SLIT2: variants seen among roughly 807,000 people sequenced by gnomAD.
SLIT2 encodes slit guidance ligand 2, also known as slit homolog 2 protein.
In SLIT2, 41 loss-of-function variants were observed where a neutral mutation model predicts 185.7. The observed-to-expected ratio is 0.22, with a 90% confidence interval of 0.17 to 0.29. The LOEUF is 0.29. Ranked by LOEUF, SLIT2 falls within the 10% of genes least tolerant of loss-of-function variation. The probability of loss-of-function intolerance (pLI) is 1.00; values close to 1 mark genes in which losing one functional copy is unlikely to be tolerated. For synonymous variants in SLIT2, 693 were observed against 680.2 expected (o/e 1.02, Z -0.29); for missense variants, 1,571 against 1,909.0 (o/e 0.82, Z 3.30).
At chr4:20,400,123 C>G (rs947159429) in intron 4 of SLIT2, among the ~76,000 whole-genome samples, 1 of 151,680 alleles carries the variant, frequency 6.6e-6, no homozygotes, top group Admixed American at 6.6e-5. Context: ...AGATTTGTAT[C>G]TTTTAATGGA....
chr4:20,403,775 C>T (rs1726538017), intron 4 of SLIT2, among the ~76,000 whole-genome samples: 1 of 151,570 alleles, frequency 6.6e-6, no homozygotes, highest in Admixed American at 6.6e-5. Flanking sequence ...TAGTCAGGGC[C>T]CCTTGCAGGT....
rs375215503 is a variant in SLIT2, at chr4:20,312,479, A to T, written c.395+43598A>T. On this transcript the variant is annotated intron_variant, in intron 4 of 36. Coordinates refer to ENST00000504154, the MANE Select transcript of SLIT2 (RefSeq NM_004787.4). ...TATAAGTAAAATTAAAATATATATT[A>T]AAGAAAACATATGGCTGGGTGCAGT... 4.6e-5 allele frequency among the ~76,000 whole-genome samples: 7 copies of T among 152,260 alleles called. No individual in the cohort carries two copies. In the South Asian group the frequency reaches 1.4e-3, roughly 32 times the overall value.
At chr4:20,371,189 G>A (rs1294299297) in intron 4 of SLIT2, among the ~76,000 whole-genome samples, 2 of 151,876 alleles carry the variant, frequency 1.3e-5, no homozygotes, top group Admixed American at 6.6e-5. Flanking sequence ...AGGTCCCTCT[G>A]CACACTTACA....
intron 4 of SLIT2, among the ~76,000 whole-genome samples, chr4:20,433,936 A>G (rs1729161257): frequency 6.6e-6 from 1 of 152,200 alleles, no homozygotes; most frequent in African/African-American, 2.4e-5. Flanking sequence ...GGTTTTAGAA[A>G]GATTTTTTTA....
At chr4:20,297,965 G>A (rs73106704) in intron 4 of SLIT2, among the ~76,000 whole-genome samples, 1,602 of 152,204 alleles carry the variant, frequency 0.011, 19 homozygotes, top group African/African-American at 0.036. Flanking sequence ...TCCCAGGCCA[G>A]TGCACACAGC....
At position 20,318,766 on chromosome 4, in the gene SLIT2, G is replaced by A. The variant is rs543178401; in HGVS notation, c.395+49885G>A. On this transcript the variant is annotated intron_variant, in intron 4 of 36. Coordinates refer to ENST00000504154, the MANE Select transcript of SLIT2 (RefSeq NM_004787.4). ...CTCAGTAACTTGACATGTTTCTTTA[G>A]GAGAGAGAAATGGTAAATTAGCTAA... Among the ~76,000 whole-genome samples the A allele has an allele frequency of 2.0e-5, 3 of 152,232 alleles. No homozygotes were observed. In the South Asian group the frequency reaches 6.2e-4, roughly 32 times the overall value.
intron 21 of SLIT2, 79 bp from the exon 22 acceptor site, chr4:20,545,952 A>G: frequency 1.4e-6 from 1 of 702,444 alleles, no homozygotes; most frequent in Non-Finnish European, 2.3e-6. Flanking sequence ...GCCTCAGTTA[A>G]GAGTGAAGTA....
At chr4:20,503,434 G>A (rs1718912881) in intron 9 of SLIT2, among the ~76,000 whole-genome samples, 1 of 152,094 alleles carries the variant, frequency 6.6e-6, no homozygotes, top group Non-Finnish European at 1.5e-5. Context: ...TGTTATTAAT[G>A]AGAAATAAAA....
At chr4:20,388,948 GTA>G (rs961251131) in intron 4 of SLIT2, among the ~76,000 whole-genome samples, 10 of 142,366 alleles carry the variant, frequency 7.0e-5, no homozygotes, top group Non-Finnish European at 1.5e-4. Flanking sequence ...ACACATACAT[GTA>G]TATATGTCAA....
At chr4:20,283,091 G>A (rs1196951200) in intron 4 of SLIT2, among the ~76,000 whole-genome samples, 1 of 148,090 alleles carries the variant, frequency 6.8e-6, no homozygotes, top group East Asian at 2.2e-4. Flanking sequence ...TTATATGTGT[G>A]TGTTGCCTGT....
rs923477938 is a variant in SLIT2, at chr4:20,396,966, T to C, written c.396-70786T>C. 2.6e-5 allele frequency among the ~76,000 whole-genome samples: 4 copies of C among 151,048 alleles called. No homozygotes were observed. In the Admixed American group the frequency reaches 2.7e-4, roughly 10 times the overall value. Reference sequence around the variant, plus strand: ...ATATATGATTATCATTCAATCAAAATATGGAATATTAAATGATTAATTTAC... The same window carrying C: ...ATATATGATTATCATTCAATCAAAACATGGAATATTAAATGATTAATTTAC... On this transcript the variant is annotated intron_variant, in intron 4 of 36. Transcript: ENST00000504154.
rs73801826 is a variant in SLIT2 at position 20,487,196 on chromosome 4, A to C, written c.611+925A>C. On this transcript the variant is annotated intron_variant, in intron 7 of 36. Coordinates refer to ENST00000504154, the MANE Select transcript of SLIT2 (RefSeq NM_004787.4). ...CTTACTGAAATCCAACTCTGTACAT[A>C]ATAACACATCATTATAATTTCCTTG... Among the ~76,000 whole-genome samples the C allele has an allele frequency of 2.9e-3, 442 of 152,242 alleles. 5 individuals carry two copies. The highest frequency in any genetic ancestry group is 9.8e-3 in the African/African-American group (409 of 41,570).
chr4:20,489,755 G>A lies in SLIT2; in HGVS notation c.775+773G>A, dbSNP rs116106941. ...GCTGAGATCACACCAGTGCACTCCA[G>A]CATGGGTGACAAGAGAGAAACTCCA... On this transcript the variant is annotated intron_variant, in intron 8 of 36. Coordinates refer to ENST00000504154, the MANE Select transcript of SLIT2 (RefSeq NM_004787.4). 5.1e-3 allele frequency among the ~76,000 whole-genome samples: 773 copies of A among 151,998 alleles called. 2 individuals are homozygous for A. The highest frequency in any genetic ancestry group is 8.4e-3 in the Non-Finnish European group (572 of 67,972).
chr4:20,575,509 A>C (rs1188129176), intron 29 of SLIT2, among the ~76,000 whole-genome samples: 1 of 152,156 alleles, frequency 6.6e-6, no homozygotes, highest in Non-Finnish European at 1.5e-5. Context: ...AAGGATATGC[A>C]CCTTGTAAGT....
chr4:20,517,349 C>G (rs972618534), intron 11 of SLIT2, among the ~76,000 whole-genome samples: 1 of 152,150 alleles, frequency 6.6e-6, no homozygotes, highest in Non-Finnish European at 1.5e-5. Flanking sequence ...TGCACAATCT[C>G]TATTGTTGAA....
chr4:20,319,615 C>A lies in SLIT2; in HGVS notation c.395+50734C>A, dbSNP rs550968548. 5.9e-5 allele frequency among the ~76,000 whole-genome samples: 9 copies of A among 151,890 alleles called. No individual in the cohort carries two copies. The South Asian group carries it at 6.2e-4, about 11-fold the overall frequency. ...TTTAAGTAATTCCAGTATGGAATTC[C>A]ACAAGGGTCAAGATCACATTTTCTA... On this transcript the variant is annotated intron_variant, in intron 4 of 36. Coordinates refer to ENST00000504154, the MANE Select transcript of SLIT2 (RefSeq NM_004787.4).
At chr4:20,443,605 A>G (rs1434581196) in intron 4 of SLIT2, among the ~76,000 whole-genome samples, 1 of 151,448 alleles carries the variant, frequency 6.6e-6, no homozygotes, top group East Asian at 1.9e-4. Context: ...AAAAAAAAAA[A>G]AAAAGAGTAA....
intron 29 of SLIT2, among the ~76,000 whole-genome samples, chr4:20,584,244 G>A (rs539873072): frequency 2.2e-4 from 33 of 152,240 alleles, no homozygotes; most frequent in African/African-American, 7.0e-4. Flanking sequence ...GTCAACTCTC[G>A]TATATTGCAT....
chr4:20,464,171 T>A (rs1217324941), intron 4 of SLIT2, among the ~76,000 whole-genome samples: 1 of 152,108 alleles, frequency 6.6e-6, no homozygotes, highest in Non-Finnish European at 1.5e-5. Context: ...TTGCTTTAGG[T>A]TCTCATTGTC....
Sources: allele counts gnomAD v4.1 joint callset (sites outside exome capture counted in the v4.1 genomes callset), GRCh38; gene constraint gnomAD v4.1.1; transcripts MANE v1.5; gene names NCBI Gene and HGNC (gene_info 2026-07-23, HGNC 2026-07-21).